Variants in LGR6 observed in about 807,000 individuals in gnomAD.
The protein encoded by LGR6 is leucine-rich repeat-containing G protein-coupled receptor 6.
In LGR6, 45 loss-of-function variants were observed where a neutral mutation model predicts 69.4. The ratio of observed to expected loss-of-function variants is 0.65; its 90% CI spans 0.51 to 0.83. The LOEUF (loss-of-function observed/expected upper bound fraction) is 0.83, where lower values mean the gene tolerates loss of function less well. Ranked by LOEUF, LGR6 falls within the 40% of genes least tolerant of loss-of-function variation. LGR6 has a pLI of 0.00. For missense variants in LGR6, 1,108 were observed against 1,246.7 expected, an observed-to-expected ratio of 0.89 and a Z score of 1.68; for synonymous variants, 538 against 555.0, an observed-to-expected ratio of 0.97 and a Z score of 0.43.
chr1:202,223,909 C>T (rs1328351984), intron 1 of LGR6, among the ~76,000 whole-genome samples: 3 of 148,250 alleles, frequency 2.0e-5, no homozygotes, highest in East Asian at 2.1e-4. Flanking sequence ...CACAGGACCC[C>T]GAGGGAAAGG....
intron 4 of LGR6, among the ~76,000 whole-genome samples, chr1:202,261,060 C>T (rs1372636605): frequency 3.3e-5 from 5 of 151,904 alleles, no homozygotes; most frequent in Non-Finnish European, 7.4e-5. Flanking sequence ...ACTATTCTTT[C>T]AGCTCTAATG....
chr1:202,278,487 G>A (rs1665762448), intron 5 of LGR6, among the ~76,000 whole-genome samples: 2 of 152,110 alleles, frequency 1.3e-5, no homozygotes, highest in African/African-American at 4.8e-5. Context: ...ACTGGTGCGG[G>A]AGCAAAGCTG....
At chr1:202,239,155 G>A (rs1392501111) in intron 4 of LGR6, among the ~76,000 whole-genome samples, 1 of 152,118 alleles carries the variant, frequency 6.6e-6, no homozygotes, top group Non-Finnish European at 1.5e-5. Context: ...TCTTCCGGCC[G>A]GCTCTTTTCC....
chr1:202,267,206 G>A (rs1664738181), intron 4 of LGR6, among the ~76,000 whole-genome samples: 2 of 152,158 alleles, frequency 1.3e-5, no homozygotes, highest in South Asian at 2.1e-4. Flanking sequence ...GATACCAGAG[G>A]CATACAACAC....
chr1:202,226,748 C>T (rs1222480583), intron 2 of LGR6, among the ~76,000 whole-genome samples: 1 of 152,214 alleles, frequency 6.6e-6, no homozygotes, highest in Admixed American at 6.5e-5. Context: ...GCTGTTGGCT[C>T]AGGCACCCAG....
At chr1:202,306,839 G>A (rs1026566096) in intron 12 of LGR6, 29 bp from the exon 13 acceptor site, 3 of 1,610,276 alleles carry the variant, frequency 1.9e-6, no homozygotes, top group Admixed American at 1.7e-5. Context: ...TGAGCCTGCC[G>A]GCTCATCCAG....
At chr1:202,290,684 C>G (rs988311881) in intron 6 of LGR6, among the ~76,000 whole-genome samples, 9 of 152,110 alleles carry the variant, frequency 5.9e-5, no homozygotes, top group African/African-American at 2.2e-4. Flanking sequence ...ACCAGCCTGA[C>G]CAACATGGAG....
chr1:202,211,863 ACGATCGTG>A (rs1659474553), intron 1 of LGR6, among the ~76,000 whole-genome samples: 1 of 151,994 alleles, frequency 6.6e-6, no homozygotes, highest in Admixed American at 6.6e-5. Flanking sequence ...AAAGATAGCA[ACGATCGTG>A]ATTTCTAACA....
At position 202,268,868 on chromosome 1, in the gene LGR6, C is replaced by T. The variant is rs1270429848; in HGVS notation, c.429-7438C>T. 6.6e-6 allele frequency among the ~76,000 whole-genome samples: 1 copy of T among 152,158 alleles called. No homozygotes were observed. The highest frequency in any genetic ancestry group is 1.5e-5 in the Non-Finnish European group (1 of 68,034). On this transcript the variant is annotated intron_variant, in intron 4 of 17. Transcript: ENST00000367278. The surrounding 1 kb of genome is among the most constrained non-coding windows in gnomAD (Gnocchi z 4.4). Reference sequence around the variant, plus strand: ...CCAGGGCCCTGATAGCAGAAGGGGCCTGTACCTGGTTTAGTGTTCTATTGC... The same window carrying T: ...CCAGGGCCCTGATAGCAGAAGGGGCTTGTACCTGGTTTAGTGTTCTATTGC...
chr1:202,214,155 A>G (rs1571819688), intron 1 of LGR6: 1 of 1,507,758 alleles, frequency 6.6e-7, no homozygotes, highest in Admixed American at 2.5e-5. Flanking sequence ...AGGGGCCGGA[A>G]TGCGCTTGGA....
At chr1:202,303,414 C>A in intron 10 of LGR6, 67 bp downstream of exon 10, 1 of 1,265,248 alleles carries the variant, frequency 7.9e-7, no homozygotes, top group Non-Finnish European at 1.2e-6. Context: ...TCTTCCACTC[C>A]CTGCCCCTGG....
rs1438476307 is a variant in LGR6 at position 202,318,361 on chromosome 1, T to C, written c.2058T>C (p.Val686=). 2 of 1,600,754 alleles carry C rather than the reference T, an allele frequency of 1.2e-6. No individual in the cohort carries two copies. Among genetic ancestry groups the C allele is most frequent in the African/African-American group, 2.7e-5 (2 of 74,776 alleles). The change falls in exon 18 of 18, where the codon GTT becomes GTC. Residue 686 remains valine (V), a synonymous_variant. Transcript: ENST00000367278. The part of the protein sequence containing the change: ...AYGKSPSLGS[V]RAGVLGCLAL... ...GGAAGTCCCCCTCCCTGGGCAGCGT[T>C]CGAGCAGGGGTCCTAGGCTGCCTGG...
rs772892630 is a variant in LGR6 at position 202,318,223 on chromosome 1, A to G, written c.1920A>G (p.Leu640=). The G allele has an allele frequency of 6.2e-7, 1 of 1,612,226 alleles. No homozygotes were observed. The highest frequency in any genetic ancestry group is 8.5e-7 in the Non-Finnish European group (1 of 1,179,648). Reference sequence around the variant, plus strand: ...ACGGAGCCCGCTGGGAGACGGGGCTAGGCTGCCGGGCCACTGGCTTCCTGG... The same window carrying G: ...ACGGAGCCCGCTGGGAGACGGGGCTGGGCTGCCGGGCCACTGGCTTCCTGG... The part of the protein sequence containing the change: ...SEYGARWETG[L]GCRATGFLAV... Residue 640 remains leucine, a synonymous_variant, in exon 18 of 18, where the codon CTA becomes CTG. Coordinates refer to ENST00000367278, the MANE Select transcript of LGR6 (RefSeq NM_001017403.2).
At chr1:202,313,259 A>G (rs1350329897) in intron 16 of LGR6, among the ~76,000 whole-genome samples, 2 of 151,984 alleles carry the variant, frequency 1.3e-5, no homozygotes, top group African/African-American at 4.8e-5. Context: ...GCCTGGACTT[A>G]GAATTGAAAA....
chr1:202,303,023 C>T (rs942690636), intron 9 of LGR6, among the ~76,000 whole-genome samples: 17 of 152,080 alleles, frequency 1.1e-4, no homozygotes, highest in African/African-American at 4.8e-5. Flanking sequence ...CAAGCTGAAG[C>T]GTGAATGCTG....
rs559986134 is a variant in LGR6, at chr1:202,220,470, C to T, written c.213-4953C>T. ...CTGACCTCAGGTGGTCCACCCGCCT[C>T]AGCCTCCCAAAGTGCTGGGATTACA... On this transcript the variant is annotated intron_variant, in intron 1 of 17. Transcript: ENST00000367278. Among the ~76,000 whole-genome samples the T allele has an allele frequency of 5.9e-5, 9 of 151,964 alleles. No homozygotes were observed. The East Asian group carries it at 1.6e-3, about 26-fold the overall frequency.
At chr1:202,277,858 T>TTCCGGGGGGGGGGG (rs1665704503) in intron 5 of LGR6, among the ~76,000 whole-genome samples, 1 of 27,704 alleles carries the variant, frequency 3.6e-5, no homozygotes, top group Non-Finnish European at 7.0e-5. Context: ...CTGGGGGAGG[T>TTCCGGGGGGGGGGG]GGGGTGGGAC....
At chr1:202,306,071 C>T (rs1000189302) in intron 12 of LGR6, among the ~76,000 whole-genome samples, 1 of 152,134 alleles carries the variant, frequency 6.6e-6, no homozygotes, top group African/African-American at 2.4e-5. Context: ...CATCAGGGCC[C>T]AGTGGGATGG....
At chr1:202,235,065 G>A (rs929727009) in intron 3 of LGR6, among the ~76,000 whole-genome samples, 3 of 152,154 alleles carry the variant, frequency 2.0e-5, no homozygotes, top group Non-Finnish European at 4.4e-5. Flanking sequence ...TGCCTCAGGG[G>A]ACTCCCTGCG....
Sources: allele counts gnomAD v4.1 joint callset (sites outside exome capture counted in the v4.1 genomes callset), GRCh38; gene constraint gnomAD v4.1.1; non-coding constraint Gnocchi (gnomAD v3.1); transcripts MANE v1.5; gene names NCBI Gene and HGNC (gene_info 2026-07-23, HGNC 2026-07-21).